The following PLXDC2 variants were observed in gnomAD, a reference collection of about 807,000 sequenced individuals.
PLXDC2 encodes the protein plexin domain containing 2.
A neutral mutation model predicts 68.9 loss-of-function variants in PLXDC2; 40 were observed. The ratio of observed to expected loss-of-function variants is 0.58; its 90% CI spans 0.45 to 0.76. The LOEUF is 0.76. Ranked by LOEUF, PLXDC2 falls within the 30% of genes least tolerant of loss-of-function variation. The pLI, the probability that PLXDC2 is intolerant of heterozygous loss-of-function variation, is 0.00. For missense variants in PLXDC2, 644 were observed against 661.9 expected (o/e 0.97, Z 0.30); for synonymous variants, 243 against 234.2 (o/e 1.04, Z -0.34).
At chr10:19,874,726 A>G (rs1034884418) in intron 1 of PLXDC2, among the ~76,000 whole-genome samples, 11 of 152,212 alleles carry the variant, frequency 7.2e-5, no homozygotes, top group African/African-American at 2.2e-4. Flanking sequence ...ATTGAACTTT[A>G]AAGAGTATAT....
intron 1 of PLXDC2, among the ~76,000 whole-genome samples, chr10:19,992,650 G>A (rs1021510174): frequency 6.6e-6 from 1 of 152,078 alleles, no homozygotes; most frequent in African/African-American, 2.4e-5. Flanking sequence ...TTAATGCAAA[G>A]ATTAATTGTT....
chr10:20,047,068 C>A, intron 3 of PLXDC2, 53 bp downstream of exon 3: 1 of 1,502,382 alleles, frequency 6.7e-7, no homozygotes. Context: ...AAAATAATTG[C>A]TTTAATTGGC....
rs115329710 is a variant in PLXDC2 at position 20,172,021 on chromosome 10, C to T, written c.884-4978C>T. On this transcript the variant is annotated intron_variant, in intron 7 of 13. Transcript: ENST00000377252. ...ATGTACACTATTTGGGTGACAGAAA[C>T]GCCAAAAGCACAGACTTCACTACTA... 9.6e-3 allele frequency among the ~76,000 whole-genome samples: 1,404 copies of T among 146,460 alleles called. 15 individuals carry two copies. Among genetic ancestry groups the T allele is most frequent in the African/African-American group, 0.03 (1,218 of 40,938 alleles).
intron 1 of PLXDC2, among the ~76,000 whole-genome samples, chr10:19,859,954 T>G (rs902794035): frequency 9.2e-5 from 14 of 152,128 alleles, no homozygotes; most frequent in Non-Finnish European, 1.8e-4. Context: ...CTGCTCAAAC[T>G]CCTGATCTCA....
intron 4 of PLXDC2, among the ~76,000 whole-genome samples, chr10:20,107,502 C>T (rs1166048305): frequency 6.6e-6 from 1 of 152,184 alleles, no homozygotes; most frequent in African/African-American, 2.4e-5. Context: ...TATCAGGCAA[C>T]ACCTAAAGTT....
chr10:20,044,203 CTCTCTCTGTCTTTCTTTCTTT>C lies in PLXDC2; in HGVS notation c.325-2665_325-2645del, dbSNP rs1835740462. ...CTTCTTTCTTTCTTTCTCTCTCTCT[CTCTCTCTGTCTTTCTTTCTTT>C]CTTTCTTTCTTTCTTTCTTTCTTTC... is the stretch of plus-strand genomic sequence containing the variant. On this transcript the variant is annotated intron_variant, in intron 2 of 13. Transcript: ENST00000377252. Among the ~76,000 whole-genome samples the C allele has an allele frequency of 1.1e-4, 15 of 131,304 alleles. 2 individuals are homozygous for C. Among genetic ancestry groups the C allele is most frequent in the African/African-American group, 4.6e-4 (15 of 32,850 alleles). 86.1% of individuals were successfully genotyped at this position (131,304 alleles called of 152,430 possible). A position where few individuals can be genotyped will look rare whatever the true frequency, so the allele number is the denominator to read the frequency against.
At chr10:19,876,855 T>G (rs1837641858) in intron 1 of PLXDC2, among the ~76,000 whole-genome samples, 1 of 152,136 alleles carries the variant, frequency 6.6e-6, no homozygotes, top group Non-Finnish European at 1.5e-5. Flanking sequence ...TTGGCTAGCT[T>G]AAAGTTGTTA....
chr10:19,902,204 GA>G (rs1260194713), intron 1 of PLXDC2, among the ~76,000 whole-genome samples: 10 of 151,846 alleles, frequency 6.6e-5, no homozygotes, highest in Non-Finnish European at 2.9e-5. Flanking sequence ...CTAGTTCTGT[GA>G]AAAATCATAG....
Position 20,046,941 on chromosome 10 carries a change from G to A in PLXDC2, c.397G>A (p.Val133Met). 1 of 1,612,740 alleles carries A rather than the reference G, an allele frequency of 6.2e-7. No homozygotes were observed. Among genetic ancestry groups the A allele is most frequent in the Non-Finnish European group, 8.5e-7 (1 of 1,179,292 alleles). ...PSDSASRDLW[V>M]NIDQMEKDKV... Reference sequence around the variant, plus strand: ...TGATTCTGCCAGCCGGGATTTATGGGTGAACATAGACCAAATGGAAAAAGA... The same window carrying A: ...TGATTCTGCCAGCCGGGATTTATGGATGAACATAGACCAAATGGAAAAAGA... Residue 133 changes from valine (V) to methionine (M), a missense_variant, in exon 3 of 14, where the codon GTG becomes ATG. Val to Met is a conservative substitution (Grantham distance 21). Coordinates refer to ENST00000377252, the MANE Select transcript of PLXDC2 (RefSeq NM_032812.9).
chr10:19,965,749 T>A (rs1589560151), intron 1 of PLXDC2, among the ~76,000 whole-genome samples: 1 of 151,442 alleles, frequency 6.6e-6, no homozygotes, highest in Non-Finnish European at 1.5e-5. Context: ...TCAATGAAAG[T>A]GTCTTAATGT....
intron 11 of PLXDC2, 37 bp from the exon 12 acceptor site, chr10:20,219,027 C>A: frequency 6.2e-7 from 1 of 1,601,564 alleles, no homozygotes; most frequent in South Asian, 1.1e-5. Context: ...TGAAATCAAT[C>A]CTTTTCTGTT....
At position 20,001,954 on chromosome 10, in the gene PLXDC2, G is replaced by T; in HGVS notation, c.292G>T (p.Asp98Tyr). The stretch of plus-strand genomic sequence containing the variant: ...CAGAAGCTTCACAGACCTGCTGCTG[G>T]ATGATGGGCAGGACAATAACACTCA... ...EPRSFTDLLL[D>Y]DGQDNNTQIE... The change falls in exon 2 of 14, where the codon GAT becomes TAT. Residue 98 changes from aspartate to tyrosine, a missense_variant. This residue lies in a region of PLXDC2 where 201 missense variants were observed against 166.9 expected (regional missense o/e 1.20). Transcript: ENST00000377252. 6.2e-7 allele frequency: 1 copy of T among 1,612,756 alleles called. No individual in the cohort carries two copies. Among genetic ancestry groups the T allele is most frequent in the Non-Finnish European group, 8.5e-7 (1 of 1,179,928 alleles).
intron 2 of PLXDC2, among the ~76,000 whole-genome samples, chr10:20,014,848 A>T (rs995688197): frequency 6.6e-6 from 1 of 152,108 alleles, no homozygotes; most frequent in Non-Finnish European, 1.5e-5. Flanking sequence ...CTCTATTTTT[A>T]TCTTTTCCTT....
intron 3 of PLXDC2, among the ~76,000 whole-genome samples, chr10:20,061,006 T>C (rs914925133): frequency 2.0e-4 from 31 of 152,342 alleles, no homozygotes; most frequent in Non-Finnish European, 3.7e-4. Flanking sequence ...AAATTTTGTT[T>C]TGAAATAATT....
At chr10:20,055,261 G>A (rs1416299610) in intron 3 of PLXDC2, among the ~76,000 whole-genome samples, 1 of 151,986 alleles carries the variant, frequency 6.6e-6, no homozygotes, top group East Asian at 1.9e-4. Context: ...GTTTTCTGGA[G>A]GGTTCTTTTG....
chr10:20,175,952 A>T (rs527294871), intron 7 of PLXDC2, among the ~76,000 whole-genome samples: 1 of 152,324 alleles, frequency 6.6e-6, no homozygotes, highest in African/African-American at 2.4e-5. Context: ...TTATTTTTCC[A>T]CTTACATTGA....
At chr10:19,877,765 T>A (rs1837659773) in intron 1 of PLXDC2, among the ~76,000 whole-genome samples, 1 of 152,248 alleles carries the variant, frequency 6.6e-6, no homozygotes, top group Non-Finnish European at 1.5e-5. Context: ...TGAGCCACTA[T>A]TCGGGGCCTT....
intron 1 of PLXDC2, among the ~76,000 whole-genome samples, chr10:19,891,356 G>T (rs1378606229): frequency 2.6e-5 from 4 of 152,042 alleles, no homozygotes; most frequent in African/African-American, 4.8e-5. Flanking sequence ...CACACAGCTG[G>T]TTTTTTACCT....
intron 3 of PLXDC2, among the ~76,000 whole-genome samples, chr10:20,053,619 T>G (rs1400195103): frequency 6.6e-6 from 1 of 152,160 alleles, no homozygotes; most frequent in East Asian, 1.9e-4. Flanking sequence ...GTTATTTAAT[T>G]TATTTCTGGA....
Sources: allele counts gnomAD v4.1 joint callset (sites outside exome capture counted in the v4.1 genomes callset), GRCh38; gene constraint gnomAD v4.1.1; regional missense constraint gnomAD v4.1.1; transcripts MANE v1.5; gene names NCBI Gene and HGNC (gene_info 2026-07-23, HGNC 2026-07-21).